ZNF688: variants seen among roughly 807,000 people sequenced by gnomAD.
The protein encoded by ZNF688 is zinc finger protein 688.
Under a neutral mutation model 13.2 loss-of-function variants are expected in ZNF688, and 10 were observed. The ratio of observed to expected loss-of-function variants is 0.76; its 90% confidence interval spans 0.47 to 1.28. The LOEUF is 1.28. Ranked by LOEUF, ZNF688 falls within the 50% of genes most tolerant of loss-of-function variation. The probability of loss-of-function intolerance (pLI) is 0.00; values close to 1 mark genes in which losing one functional copy is unlikely to be tolerated. For missense variants in ZNF688, 381 were observed against 391.4 expected, an observed-to-expected ratio of 0.97 and a Z score of 0.22; for synonymous variants, 160 against 159.4, an observed-to-expected ratio of 1.00 and a Z score of -0.03.
Position 30,570,305 on chromosome 16 carries a change from G to C in ZNF688, c.442C>G (p.Pro148Ala). 1 of 1,614,080 alleles carries C rather than the reference G, an allele frequency of 6.2e-7. No homozygotes were observed. The change falls in exon 3 of 3, where the codon CCG (proline) becomes GCG (alanine). Residue 148 changes from proline (P) to alanine (A), a missense_variant. Transcript: ENST00000223459. ...RNPDPAISVA[P>A]ARAQPPKNAA... Reference sequence around the variant, plus strand: ...TTTTTGGGTGGCTGTGCCCGTGCCGGGGCCACGCTAATAGCTGGGTCAGGG... The same window carrying C: ...TTTTTGGGTGGCTGTGCCCGTGCCGCGGCCACGCTAATAGCTGGGTCAGGG...
At chr16:30,572,340 A>G, upstream of ZNF688, 1 of 1,401,632 alleles carries the variant, frequency 7.1e-7, no homozygotes, top group Non-Finnish European at 9.3e-7. Context: ...GGGAGCTGGA[A>G]TTTGGTCCCC....
At position 30,570,388 on chromosome 16, in the gene ZNF688, G is replaced by T; in HGVS notation, c.359C>A (p.Ala120Asp). The change falls in exon 3 of 3, where the codon GCC becomes GAC. Residue 120 changes from alanine (A) to aspartate (D), a missense_variant. Transcript: ENST00000223459. Reference protein sequence around the residue: ...KEEEPEEVPRAKGPRKAPVKE... With the variant: ...KEEEPEEVPRDKGPRKAPVKE... ...CACAGGAGCCTTTCTAGGCCCTTTG[G>T]CTCTTGGGACTTCCTCCGGTTCCTC... The T allele has an allele frequency of 6.2e-7, 1 of 1,613,786 alleles. No individual in the cohort carries two copies.
the ZNF688 span, chr16:30,579,202 A>G: frequency 6.6e-6 from 1 of 152,618 alleles, no homozygotes; most frequent in Non-Finnish European, 1.5e-5. Flanking sequence ...GGATAAATGA[A>G]TGGATAGAGG....
the ZNF688 span, chr16:30,578,412 C>T: frequency 2.6e-5 from 4 of 152,232 alleles, no homozygotes; most frequent in Non-Finnish European, 5.9e-5. Flanking sequence ...TTCTTCAAGA[C>T]TCTTGATCAG....
the ZNF688 span, among the ~76,000 whole-genome samples, chr16:30,578,141 C>T: frequency 6.6e-6 from 1 of 152,112 alleles, no homozygotes; most frequent in Non-Finnish European, 1.5e-5. Flanking sequence ...GAGTTCAAGA[C>T]CAGCCTGGGC....
Position 30,570,255 on chromosome 16 carries a change from T to G in ZNF688, c.492A>C (p.Gly164=). 6.2e-7 allele frequency: 1 copy of G among 1,613,684 alleles called. No homozygotes were observed. The highest frequency in any genetic ancestry group is 8.5e-7 in the Non-Finnish European group (1 of 1,179,886). Residue 164 remains glycine (G), a synonymous_variant, in exon 3 of 3, where the codon GGA becomes GGC. Transcript: ENST00000223459. ...PKNAAWDPTT[G]AQPPAPIPSM... ...TGGGTATGGGTGCCGGGGGCTGTGC[T>G]CCTGTGGTCGGGTCCCAGGCAGCAT...
upstream of ZNF688, among the ~76,000 whole-genome samples, chr16:30,575,248 C>CTT (rs35676278): frequency 1.4e-5 from 2 of 139,864 alleles, no homozygotes; most frequent in Non-Finnish European, 3.1e-5. Context: ...CATGGTAGTT[C>CTT]TTTTTTTTTT....
At chr16:30,571,721 CG>C, upstream of ZNF688, 9 of 1,342,418 alleles carry the variant, frequency 6.7e-6, no homozygotes, top group Non-Finnish European at 8.5e-6. Context: ...ACAGGAAGGG[CG>C]GCCCCGCCCA....
chr16:30,569,851 C>A lies in ZNF688; in HGVS notation c.*65G>T. ...AGTTCCGGAGTCCCCGACTCAGTGG[C>A]CCACCTCAGGGATCCGTCAGTCCTT... On this transcript the variant is annotated 3_prime_UTR_variant, in exon 3 of 3. Transcript: ENST00000223459. 6.1e-6 allele frequency: 9 copies of A among 1,485,394 alleles called. No homozygotes were observed. Among genetic ancestry groups the A allele is most frequent in the Non-Finnish European group, 7.2e-6 (8 of 1,118,570 alleles). The allele number at this position is 1,485,394 out of a possible 1,614,324, so 92.0% of individuals were successfully genotyped here. A position where few individuals can be genotyped will look rare whatever the true frequency, so the allele number is the denominator to read the frequency against.
intron 1 of ZNF688, 77 bp downstream of exon 1, chr16:30,571,357 A>T (rs1420276743): frequency 6.5e-7 from 1 of 1,535,158 alleles, no homozygotes; most frequent in East Asian, 2.4e-5. Flanking sequence ...TAGGGCTCAC[A>T]GTCCTCTCGG....
At position 30,570,970 on chromosome 16, in the gene ZNF688, C is replaced by T. The variant is rs185898552; in HGVS notation, c.310+40G>A. On this transcript the variant is annotated intron_variant, in intron 2 of 2. Coordinates refer to ENST00000223459, the MANE Select transcript of ZNF688 (RefSeq NM_145271.4). ...AAAGAAACTCTGCTAGACAGGAAGC[C>T]CTGGAAAACCAAGTGGGGGGACCCG... 1.9e-6 allele frequency: 3 copies of T among 1,606,254 alleles called. No homozygotes were observed. The African/African-American group carries it at 4.0e-5, about 21-fold the overall frequency.
chr16:30,570,546 C>T lies in ZNF688; in HGVS notation c.311-110G>A, dbSNP rs79717302. 97 of 1,343,156 alleles carry T rather than the reference C, an allele frequency of 7.2e-5. No homozygotes were observed. The East Asian group carries it at 1.5e-3, about 20-fold the overall frequency. 83.2% of individuals were successfully genotyped at this position (1,343,156 alleles called of 1,614,324 possible). A position where few individuals can be genotyped will look rare whatever the true frequency, so the allele number is the denominator to read the frequency against. On this transcript the variant is annotated intron_variant, in intron 2 of 2. Transcript: ENST00000223459. Reference sequence around the variant, plus strand: ...GAGGGAAGTTCTGTCCAGTGATTAACACACAGGCTTTAGAACAAGGTAAAC... The same window carrying T: ...GAGGGAAGTTCTGTCCAGTGATTAATACACAGGCTTTAGAACAAGGTAAAC...
At chr16:30,574,908 C>T (rs892293348), upstream of ZNF688, among the ~76,000 whole-genome samples, 1 of 152,188 alleles carries the variant, frequency 6.6e-6, no homozygotes, top group African/African-American at 2.4e-5. Flanking sequence ...ATTCTACTCT[C>T]TACCTCCATG....
intron 1 of ZNF688, 32 bp from the exon 2 acceptor site, chr16:30,571,155 T>G (rs2151231300): frequency 6.4e-7 from 1 of 1,553,636 alleles, no homozygotes; most frequent in Non-Finnish European, 8.7e-7. Context: ...AGCGCGGGCC[T>G]GAGAGGCCAT....
At chr16:30,573,234 C>A (rs1024907220), upstream of ZNF688, among the ~76,000 whole-genome samples, 1 of 152,138 alleles carries the variant, frequency 6.6e-6, no homozygotes, top group African/African-American at 2.4e-5. Flanking sequence ...TTACGTTGTT[C>A]CAAATTATCA....
chr16:30,572,344 G>A (rs1456206245), upstream of ZNF688: 5 of 1,403,042 alleles, frequency 3.6e-6, no homozygotes, highest in African/African-American at 7.4e-5. Flanking sequence ...GCTGGAATTT[G>A]GTCCCCAGAC....
At chr16:30,573,372 G>C (rs1413612691), upstream of ZNF688, among the ~76,000 whole-genome samples, 1 of 151,976 alleles carries the variant, frequency 6.6e-6, no homozygotes, top group Non-Finnish European at 1.5e-5. Context: ...CCTTCCTGCT[G>C]TCCTGGGTTG....
upstream of ZNF688, among the ~76,000 whole-genome samples, chr16:30,577,685 GTT>G (rs755631953): frequency 2.3e-5 from 3 of 129,906 alleles, no homozygotes; most frequent in Admixed American, 8.0e-5. Context: ...CCGGCCTGTG[GTT>G]TTTTTTTTTT....
rs1035179250 is a variant in ZNF688, at chr16:30,571,653, G to A, written c.-24C>T. The A allele has an allele frequency of 9.4e-6, 13 of 1,378,994 alleles. No homozygotes were observed. Among genetic ancestry groups the A allele is most frequent in the Non-Finnish European group, 1.2e-5 (13 of 1,069,726 alleles). The allele number at this position is 1,378,994 out of a possible 1,614,324, so 85.4% of individuals were successfully genotyped here. A position where few individuals can be genotyped will look rare whatever the true frequency, so the allele number is the denominator to read the frequency against. On this transcript the variant is annotated 5_prime_UTR_variant, in exon 1 of 3. Coordinates refer to ENST00000223459, the MANE Select transcript of ZNF688 (RefSeq NM_145271.4). ...ATGGGGCCTCGCAGCCCCGATCGGCGGCCGCCAGGTCCCTGGAGCCGCCGC... is the reference window on the plus strand; with the variant it reads ...ATGGGGCCTCGCAGCCCCGATCGGCAGCCGCCAGGTCCCTGGAGCCGCCGC...
Sources: allele counts gnomAD v4.1 joint callset (sites outside exome capture counted in the v4.1 genomes callset), GRCh38; gene constraint gnomAD v4.1.1; transcripts MANE v1.5; gene names NCBI Gene and HGNC (gene_info 2026-07-23, HGNC 2026-07-21).